Variants in ANKRD33B observed in about 807,000 individuals in gnomAD.
ANKRD33B encodes ankyrin repeat domain 33B, also known as ankyrin repeat domain-containing protein 33B.
ANKRD33B carries 6 observed loss-of-function variants against 21.5 expected under a neutral mutation model. That is an observed-to-expected ratio of 0.28 (90% CI 0.15 to 0.55). The LOEUF (loss-of-function observed/expected upper bound fraction) is 0.55. Among genes scored for constraint, ANKRD33B ranks in the 20% least tolerant of loss-of-function variants. The pLI is 0.94. For missense variants in ANKRD33B, 698 were observed against 747.2 expected, an observed-to-expected ratio of 0.93 and a Z score of 0.77; for synonymous variants, 347 against 342.4, an observed-to-expected ratio of 1.01 and a Z score of -0.15.
chr5:10,609,043 G>A (rs921506452), intron 1 of ANKRD33B, among the ~76,000 whole-genome samples: 6 of 152,348 alleles, frequency 3.9e-5, no homozygotes, highest in Admixed American at 3.9e-4. Flanking sequence ...GCCCAGTAGT[G>A]TAGCTGGTAC....
At chr5:10,566,288 C>A (rs958753602) in intron 1 of ANKRD33B, among the ~76,000 whole-genome samples, 1 of 152,210 alleles carries the variant, frequency 6.6e-6, no homozygotes, top group Non-Finnish European at 1.5e-5. Flanking sequence ...CCAGCCCTGG[C>A]GACAGATGCC....
Position 10,576,799 on chromosome 5 carries a change from A to G in ANKRD33B, c.366+11966A>G, listed in dbSNP as rs952739281. 4.6e-5 allele frequency among the ~76,000 whole-genome samples: 7 copies of G among 152,228 alleles called. No homozygotes were observed. Among genetic ancestry groups the G allele is most frequent in the Non-Finnish European group, 8.8e-5 (6 of 68,040 alleles). ...GTAGTTAAGAAAATAGCACATCCAC[A>G]TGGTGAGGCCTCTTTTGTAACTGTT... is the stretch of plus-strand genomic sequence containing the variant. On this transcript the variant is annotated intron_variant, in intron 1 of 3. Coordinates refer to ENST00000296657, the MANE Select transcript of ANKRD33B (RefSeq NM_001164440.2). This position sits in a 1 kb window ranked among gnomAD's most constrained non-coding sequence, Gnocchi z 4.1.
intron 3 of ANKRD33B, among the ~76,000 whole-genome samples, chr5:10,641,417 C>T (rs916806457): frequency 1.1e-4 from 16 of 151,736 alleles, no homozygotes; most frequent in Non-Finnish European, 1.6e-4. Context: ...TTAGTAGAGA[C>T]GGTGTTTCAC....
rs1256489695 is a variant in ANKRD33B, at chr5:10,656,906, A to G, written c.*6793A>G. 1.3e-5 allele frequency: 2 copies of G among 152,300 alleles called. No individual in the cohort carries two copies. Among genetic ancestry groups the G allele is most frequent in the African/African-American group, 4.8e-5 (2 of 41,444 alleles). The allele number at this position is 152,300 out of a possible 1,614,324, so 9.4% of individuals were successfully genotyped here. A position where few individuals can be genotyped will look rare whatever the true frequency, so the allele number is the denominator to read the frequency against. On this transcript the variant is annotated 3_prime_UTR_variant, in exon 4 of 4. Coordinates refer to ENST00000296657, the MANE Select transcript of ANKRD33B (RefSeq NM_001164440.2). ...GCCTATGTATTAGACACTCTAATCA[A>G]TGCTAACACAGTTCAGTTTTTGAGG...
At chr5:10,570,169 A>C (rs1364761034) in intron 1 of ANKRD33B, among the ~76,000 whole-genome samples, 1 of 151,990 alleles carries the variant, frequency 6.6e-6, no homozygotes, top group African/African-American at 2.4e-5. Flanking sequence ...GAGCCACTGC[A>C]CCCAGCCCCC....
intron 3 of ANKRD33B, among the ~76,000 whole-genome samples, chr5:10,646,680 T>C (rs760450932): frequency 4.6e-5 from 7 of 152,286 alleles, no homozygotes; most frequent in Non-Finnish European, 1.0e-4. Flanking sequence ...TAATGTGTCA[T>C]CTATTTTTTG....
chr5:10,604,525 GA>G (rs1158199372), intron 1 of ANKRD33B, among the ~76,000 whole-genome samples: 5 of 133,242 alleles, frequency 3.8e-5, no homozygotes, highest in Non-Finnish European at 6.5e-5. Context: ...AAAAAAAAAA[GA>G]AAAAAAAAAG....
In ANKRD33B at chr5:10,566,566, G is replaced by A. The variant is rs145526176; in HGVS notation, c.366+1733G>A. Among the ~76,000 whole-genome samples the A allele has an allele frequency of 4.8e-3, 729 of 152,312 alleles. 3 individuals are homozygous for A. The highest frequency in any genetic ancestry group is 0.017 in the African/African-American group (689 of 41,574). On this transcript the variant is annotated intron_variant, in intron 1 of 3. Coordinates refer to ENST00000296657, the MANE Select transcript of ANKRD33B (RefSeq NM_001164440.2). ...GCACAGGAGGGGCCTGGCTCGCCCA[G>A]TCCCCACTCTAGGGCACCACTGGGC...
At position 10,579,164 on chromosome 5, in the gene ANKRD33B, C is replaced by CA. The variant is rs10717188; in HGVS notation, c.366+14348dup. Among the ~76,000 whole-genome samples the CA allele has an allele frequency of 4.1e-3, 479 of 115,476 alleles. 2 individuals are homozygous for CA. Among genetic ancestry groups the CA allele is most frequent in the Middle Eastern group, 0.014 (3 of 212 alleles). 75.8% of individuals were successfully genotyped at this position (115,476 alleles called of 152,430 possible). A position where few individuals can be genotyped will look rare whatever the true frequency, so the allele number is the denominator to read the frequency against. On this transcript the variant is annotated intron_variant, in intron 1 of 3. Coordinates refer to ENST00000296657, the MANE Select transcript of ANKRD33B (RefSeq NM_001164440.2). ...GGGCAAGGGAAGTGATACTGTGTCT[C>CA]AAAAAAAAAAAAAAAAAGATACTCT...
chr5:10,568,810 C>T (rs1182814501), intron 1 of ANKRD33B, among the ~76,000 whole-genome samples: 3 of 151,974 alleles, frequency 2.0e-5, no homozygotes, highest in Admixed American at 6.6e-5. Context: ...CTGGGATTAC[C>T]GGTGTGAGGC....
chr5:10,640,369 C>T (rs1328172405), intron 3 of ANKRD33B, among the ~76,000 whole-genome samples: 6 of 152,178 alleles, frequency 3.9e-5, no homozygotes, highest in Non-Finnish European at 8.8e-5. Flanking sequence ...TTCTCCCTCA[C>T]CTCCCTGAGG....
At chr5:10,572,246 C>A (rs1735213194) in intron 1 of ANKRD33B, among the ~76,000 whole-genome samples, 1 of 152,138 alleles carries the variant, frequency 6.6e-6, no homozygotes, top group Non-Finnish European at 1.5e-5. Flanking sequence ...CCAACACTGA[C>A]AATCACTGGT....
Position 10,652,747 on chromosome 5 carries a change from T to C in ANKRD33B, c.*2634T>C. On this transcript the variant is annotated 3_prime_UTR_variant, in exon 4 of 4. Coordinates refer to ENST00000296657, the MANE Select transcript of ANKRD33B (RefSeq NM_001164440.2). The surrounding 1 kb of genome is among the most constrained non-coding windows in gnomAD (Gnocchi z 4.1). ...TTCTGGAGTGGACGTGTTGCGGCCCTGCCCCCGATGTGTTCCAGCCTCATC... is the reference window on the plus strand; with the variant it reads ...TTCTGGAGTGGACGTGTTGCGGCCCCGCCCCCGATGTGTTCCAGCCTCATC... 1 of 204,652 alleles carries C rather than the reference T, an allele frequency of 4.9e-6. No individual in the cohort carries two copies. The highest frequency in any genetic ancestry group is 6.9e-5 in the South Asian group (1 of 14,494). 12.7% of individuals were successfully genotyped at this position (204,652 alleles called of 1,614,324 possible). A position where few individuals can be genotyped will look rare whatever the true frequency, so the allele number is the denominator to read the frequency against.
chr5:10,638,758 G>T (rs551552050), intron 3 of ANKRD33B, among the ~76,000 whole-genome samples: 7 of 152,300 alleles, frequency 4.6e-5, no homozygotes, highest in African/African-American at 1.7e-4. Flanking sequence ...GCTTGTTAAC[G>T]TTAGGAGGCG....
intron 1 of ANKRD33B, among the ~76,000 whole-genome samples, chr5:10,612,493 T>C (rs1736194011): frequency 6.6e-6 from 1 of 152,226 alleles, no homozygotes; most frequent in Non-Finnish European, 1.5e-5. Context: ...TTTCAACATA[T>C]GAATTTTGAA....
At chr5:10,638,306 C>A in intron 3 of ANKRD33B, 138 bp downstream of exon 3, 1 of 1,169,082 alleles carries the variant, frequency 8.6e-7, no homozygotes, top group Non-Finnish European at 1.2e-6. Context: ...TCTTCACTGA[C>A]ATATACTTCT....
chr5:10,641,631 CTGT>C (rs774231087), intron 3 of ANKRD33B, among the ~76,000 whole-genome samples: 105 of 152,182 alleles, frequency 6.9e-4, no homozygotes, highest in Non-Finnish European at 9.6e-4. Context: ...CTGAGCCCGT[CTGT>C]TGTTTTTCTC....
At chr5:10,610,609 G>C (rs1317967983) in intron 1 of ANKRD33B, among the ~76,000 whole-genome samples, 1 of 152,238 alleles carries the variant, frequency 6.6e-6, no homozygotes, top group Non-Finnish European at 1.5e-5. Context: ...TGAACATGCA[G>C]AGACACTATA....
At chr5:10,593,928 C>T (rs986494083) in intron 1 of ANKRD33B, among the ~76,000 whole-genome samples, 7 of 152,146 alleles carry the variant, frequency 4.6e-5, no homozygotes, top group African/African-American at 7.2e-5. Flanking sequence ...CCTGTGCTGT[C>T]TCTGAGCCGA....
Sources: gnomAD v4.1 joint callset for allele counts (sites outside exome capture counted in the v4.1 genomes callset) on GRCh38, gnomAD v4.1.1 for gene constraint, Gnocchi (gnomAD v3.1) non-coding constraint, MANE v1.5 for transcripts, NCBI Gene and HGNC (gene_info 2026-07-23, HGNC 2026-07-21) for gene names.